Variants in MOXD1 observed in about 807,000 individuals in gnomAD.
MOXD1 encodes monooxygenase DBH like 1, also known as DBH-like monooxygenase protein 1.
A neutral mutation model predicts 66.6 loss-of-function variants in MOXD1; 62 were observed. The observed-to-expected ratio is 0.93, with a 90% confidence interval of 0.76 to 1.15. The LOEUF is 1.15. Among genes scored for constraint, MOXD1 ranks in the 50% most tolerant of loss-of-function variants. MOXD1 has a pLI of 0.00. For missense variants in MOXD1, 847 were observed against 754.6 expected, an observed-to-expected ratio of 1.12 and a Z score of -1.44; for synonymous variants, 303 against 281.9, an observed-to-expected ratio of 1.07 and a Z score of -0.75.
chr6:132,334,179 T>G (rs1220741091), intron 4 of MOXD1, among the ~76,000 whole-genome samples: 1 of 152,204 alleles, frequency 6.6e-6, no homozygotes, highest in Non-Finnish European at 1.5e-5. Flanking sequence ...TGAAATAAAA[T>G]GAATACTACC....
chr6:132,338,447 G>A (rs1775482849), intron 4 of MOXD1, among the ~76,000 whole-genome samples: 1 of 152,278 alleles, frequency 6.6e-6, no homozygotes, highest in African/African-American at 2.4e-5. Flanking sequence ...CCTGGGGCAG[G>A]TGAAAGGTAT....
intron 10 of MOXD1, among the ~76,000 whole-genome samples, chr6:132,312,889 C>T (rs1306099803): frequency 6.6e-6 from 1 of 151,644 alleles, no homozygotes; most frequent in African/African-American, 2.4e-5. Context: ...TTTTAACATT[C>T]TCTCAAATTA....
At chr6:132,385,886 G>A (rs1283342955) in intron 1 of MOXD1, among the ~76,000 whole-genome samples, 4 of 151,690 alleles carry the variant, frequency 2.6e-5, no homozygotes, top group African/African-American at 9.7e-5. Context: ...GGCGGATCAC[G>A]AGGTCAGGAG....
At chr6:132,335,205 A>G (rs1562285510) in intron 4 of MOXD1, among the ~76,000 whole-genome samples, 1 of 152,192 alleles carries the variant, frequency 6.6e-6, no homozygotes, top group African/African-American at 2.4e-5. Context: ...GTATTGGAAA[A>G]AAAAAAATCC....
intron 4 of MOXD1, among the ~76,000 whole-genome samples, chr6:132,330,824 AG>A (rs914485343): frequency 6.6e-6 from 1 of 152,124 alleles, no homozygotes; most frequent in African/African-American, 2.4e-5. Flanking sequence ...AATCTAAGCA[AG>A]GGGGGAAATG....
rs955435971 is a variant in MOXD1 at position 132,328,480 on chromosome 6, G to A, written c.778C>T (p.Pro260Ser). The A allele has an allele frequency of 6.2e-7, 1 of 1,614,068 alleles. No homozygotes were observed. The highest frequency in any genetic ancestry group is 8.5e-7 in the Non-Finnish European group (1 of 1,180,020). ...VLESGHECYH[P>S]NMPDAFLTCE... Reference sequence around the variant, plus strand: ...GTGAGGAATGCATCGGGCATGTTGGGGTGATAGCACTCGTGGCCGGACTCC... The same window carrying A: ...GTGAGGAATGCATCGGGCATGTTGGAGTGATAGCACTCGTGGCCGGACTCC... The change falls in exon 5 of 12, where the codon CCC becomes TCC. Residue 260 changes from proline to serine, a missense_variant. Pro to Ser is a moderately conservative substitution (Grantham distance 74). Transcript: ENST00000367963.
rs965730350 is a variant in MOXD1 at position 132,296,241 on chromosome 6, T to G, written c.*912A>C. 6.6e-6 allele frequency: 1 copy of G among 152,130 alleles called. No individual in the cohort carries two copies. Among genetic ancestry groups the G allele is most frequent in the Non-Finnish European group, 1.5e-5 (1 of 68,016 alleles). 9.4% of individuals were successfully genotyped at this position (152,130 alleles called of 1,614,324 possible). On this transcript the variant is annotated 3_prime_UTR_variant, in exon 12 of 12. Transcript: ENST00000367963. ...AATAAATCTACAATAGAACCATGAC[T>G]TAAACTGAGCCAGTATGTGGTACAT...
At chr6:132,308,441 A>T (rs1020271258) in intron 10 of MOXD1, among the ~76,000 whole-genome samples, 2 of 152,214 alleles carry the variant, frequency 1.3e-5, no homozygotes, top group Non-Finnish European at 2.9e-5. Context: ...TACCAGAAAT[A>T]CAAAGAGGAA....
intron 4 of MOXD1, among the ~76,000 whole-genome samples, chr6:132,333,443 CA>C (rs1271657631): frequency 6.6e-6 from 1 of 151,496 alleles, no homozygotes; most frequent in Non-Finnish European, 1.5e-5. Flanking sequence ...ATCACAATCA[CA>C]GGGGGAATGC....
intron 10 of MOXD1, among the ~76,000 whole-genome samples, chr6:132,301,815 C>T (rs1774544753): frequency 6.6e-6 from 1 of 152,092 alleles, no homozygotes; most frequent in African/African-American, 2.4e-5. Context: ...CCATATGAAA[C>T]AGCTGGTTTG....
chr6:132,335,883 T>G (rs953679848), intron 4 of MOXD1, among the ~76,000 whole-genome samples: 1 of 152,206 alleles, frequency 6.6e-6, no homozygotes, highest in Non-Finnish European at 1.5e-5. Context: ...TGAAGCTAAA[T>G]AGGTTTTTTT....
chr6:132,316,330 A>C (rs902256425), intron 9 of MOXD1, among the ~76,000 whole-genome samples: 1 of 152,166 alleles, frequency 6.6e-6, no homozygotes, highest in Non-Finnish European at 1.5e-5. Context: ...TGGGAAAAGA[A>C]ACAGGAAATT....
intron 10 of MOXD1, among the ~76,000 whole-genome samples, chr6:132,311,670 G>T (rs1774833918): frequency 6.6e-6 from 1 of 151,880 alleles, no homozygotes; most frequent in East Asian, 1.9e-4. Context: ...TTTCTAATAA[G>T]TTAAAACAAA....
chr6:132,373,458 G>A (rs552871591), intron 2 of MOXD1, among the ~76,000 whole-genome samples: 2 of 152,308 alleles, frequency 1.3e-5, no homozygotes, highest in East Asian at 3.9e-4. Flanking sequence ...TCCTTTTACA[G>A]TAGATGTTTT....
At chr6:132,370,201 A>C (rs1334946291) in intron 4 of MOXD1, among the ~76,000 whole-genome samples, 1 of 152,082 alleles carries the variant, frequency 6.6e-6, no homozygotes, top group East Asian at 1.9e-4. Flanking sequence ...AAAACATAGG[A>C]GTCTTTGATT....
chr6:132,378,359 C>T (rs980186272), intron 1 of MOXD1, among the ~76,000 whole-genome samples: 4 of 152,084 alleles, frequency 2.6e-5, no homozygotes, highest in Middle Eastern at 3.4e-3. Flanking sequence ...TGCAAGATTC[C>T]GAAATTTCCC....
rs1554231103 is a variant in MOXD1 at position 132,315,704 on chromosome 6, C to T, written c.1439G>A (p.Cys480Tyr). 1 of 1,613,458 alleles carries T rather than the reference C, an allele frequency of 6.2e-7. No individual in the cohort carries two copies. The highest frequency in any genetic ancestry group is 1.1e-5 in the South Asian group (1 of 91,048). Residue 480 changes from cysteine (C) to tyrosine (Y), a missense_variant, in exon 10 of 12, where the codon TGT becomes TAT. Cys to Tyr is a radical substitution (Grantham distance 194, BLOSUM62 -2). Transcript: ENST00000367963. The part of the protein sequence containing the change: ...LYYPRINLTR[C>Y]ASIPDIMEQL... ...TTCCATAATGTCTGGAATACTTGCA[C>T]ATCGAGTAAGATTAATTCTTGGGTA... is the stretch of plus-strand genomic sequence containing the variant.
intron 4 of MOXD1, among the ~76,000 whole-genome samples, chr6:132,347,603 G>A (rs992545937): frequency 4.6e-5 from 7 of 151,748 alleles, no homozygotes; most frequent in Non-Finnish European, 8.8e-5. Flanking sequence ...CTTGAACTCC[G>A]AAGGTGGAGG....
chr6:132,390,298 A>G (rs899493233), intron 1 of MOXD1: 1 of 151,542 alleles, frequency 6.6e-6, no homozygotes, highest in Admixed American at 6.6e-5. Flanking sequence ...ATAGTACATA[A>G]TGCTTTGAAT....
Sources: allele counts gnomAD v4.1 joint callset (sites outside exome capture counted in the v4.1 genomes callset), GRCh38; gene constraint gnomAD v4.1.1; transcripts MANE v1.5; gene names NCBI Gene and HGNC (gene_info 2026-07-23, HGNC 2026-07-21).